Variants in NEK10 observed in about 807,000 individuals in gnomAD.
NEK10 encodes the protein serine/threonine-protein kinase Nek10.
Under a neutral mutation model 159.8 loss-of-function variants are expected in NEK10, and 122 were observed. The ratio of observed to expected loss-of-function variants is 0.76; its 90% CI spans 0.66 to 0.89. NEK10 has a LOEUF of 0.89. NEK10 is among the 40% of genes least tolerant of loss of function. The pLI is 0.00. For synonymous variants in NEK10, 466 were observed against 457.1 expected, an observed-to-expected ratio of 1.02 and a Z score of -0.25; for missense variants, 1,342 against 1,323.1, an observed-to-expected ratio of 1.01 and a Z score of -0.22.
chr3:27,215,587 G>A, intron 23 of NEK10: 1 of 471,838 alleles, frequency 2.1e-6, no homozygotes. Flanking sequence ...ATGAGAGAAA[G>A]GCAAAAGGTA....
chr3:27,235,117 A>G (rs1378542146), intron 23 of NEK10, among the ~76,000 whole-genome samples: 6 of 152,186 alleles, frequency 3.9e-5, no homozygotes, highest in African/African-American at 1.4e-4. Flanking sequence ...AATCAACTCA[A>G]GATGGATTAA....
chr3:27,348,700 C>G (rs909572117), intron 3 of NEK10, among the ~76,000 whole-genome samples: 10 of 152,094 alleles, frequency 6.6e-5, no homozygotes, highest in African/African-American at 2.4e-4. Context: ...GTGGCAATAC[C>G]ATGCTTACCT....
chr3:27,299,264 G>A (rs1450803214), intron 13 of NEK10, among the ~76,000 whole-genome samples: 1 of 152,192 alleles, frequency 6.6e-6, no homozygotes, highest in Non-Finnish European at 1.5e-5. Flanking sequence ...TGACTAAAAG[G>A]GGCCAAGGTA....
rs956528863 is a variant in NEK10, at chr3:27,107,638, C to T, written c.*3634G>A. 9.2e-5 allele frequency among the ~76,000 whole-genome samples: 14 copies of T among 152,228 alleles called. No homozygotes were observed. The highest frequency in any genetic ancestry group is 3.1e-4 in the African/African-American group (13 of 41,542). ...AAAATTTCACCCAAGGAGTCAATGTCAATATTCGGAAGCATTAAGCTTCCC... is the reference window on the plus strand; with the variant it reads ...AAAATTTCACCCAAGGAGTCAATGTTAATATTCGGAAGCATTAAGCTTCCC... On this transcript the variant is annotated 3_prime_UTR_variant, in exon 36 of 36. Transcript: ENST00000691995.
chr3:27,248,774 A>C (rs558111472), intron 23 of NEK10, among the ~76,000 whole-genome samples: 2 of 152,152 alleles, frequency 1.3e-5, no homozygotes, highest in Non-Finnish European at 2.9e-5. Context: ...TTGTGACCTA[A>C]CATATGGTTT....
intron 26 of NEK10, among the ~76,000 whole-genome samples, chr3:27,178,317 C>A (rs1172264126): frequency 6.6e-6 from 1 of 151,962 alleles, no homozygotes; most frequent in African/African-American, 2.4e-5. Flanking sequence ...AAAATCAGTG[C>A]AATTTTTAAA....
intron 5 of NEK10, among the ~76,000 whole-genome samples, chr3:27,333,274 G>A (rs1440817331): frequency 2.0e-5 from 3 of 152,056 alleles, no homozygotes; most frequent in Admixed American, 6.5e-5. Flanking sequence ...GGCCAGGTGC[G>A]GTGGCTCACA....
chr3:27,261,741 G>T (rs1045178778), intron 22 of NEK10, among the ~76,000 whole-genome samples: 6 of 152,180 alleles, frequency 3.9e-5, no homozygotes, highest in African/African-American at 1.4e-4. Context: ...TATTAGGTCT[G>T]CTTGGTGCAG....
intron 26 of NEK10, among the ~76,000 whole-genome samples, chr3:27,175,367 ACT>A (rs1406912507): frequency 6.6e-6 from 1 of 152,122 alleles, no homozygotes; most frequent in Non-Finnish European, 1.5e-5. Context: ...TGGCTTGAAC[ACT>A]CTCTGCAGAA....
chr3:27,320,915 T>A (rs2045577440), intron 6 of NEK10, among the ~76,000 whole-genome samples: 1 of 152,178 alleles, frequency 6.6e-6, no homozygotes, highest in African/African-American at 2.4e-5. Context: ...ACTTCTGAAA[T>A]ACGAGGGAAG....
intron 30 of NEK10, among the ~76,000 whole-genome samples, chr3:27,142,103 A>T (rs1013138656): frequency 6.6e-6 from 1 of 152,196 alleles, no homozygotes; most frequent in African/African-American, 2.4e-5. Context: ...ATTATTACAA[A>T]TTATAATTTT....
intron 23 of NEK10, among the ~76,000 whole-genome samples, chr3:27,205,064 T>C (rs1950412918): frequency 6.6e-6 from 1 of 151,958 alleles, no homozygotes; most frequent in Non-Finnish European, 1.5e-5. Context: ...TGGCTAGTGA[T>C]GATGAGCATT....
Position 27,256,283 on chromosome 3 carries a change from G to T in NEK10, c.2090+13C>A. The stretch of plus-strand genomic sequence containing the variant: ...AGTATGATGTTTGAGAGCCATAAAA[G>T]AATTGTCCTTACCAAGAATACAGGA... On this transcript the variant is annotated intron_variant, in intron 23 of 35. Transcript: ENST00000691995. 1.5e-6 allele frequency: 2 copies of T among 1,359,852 alleles called. No homozygotes were observed. Among genetic ancestry groups the T allele is most frequent in the East Asian group, 2.5e-5 (1 of 39,250 alleles). 84.2% of individuals were successfully genotyped at this position (1,359,852 alleles called of 1,614,324 possible).
intron 23 of NEK10, among the ~76,000 whole-genome samples, chr3:27,237,565 T>C (rs1225508395): frequency 6.7e-6 from 1 of 149,866 alleles, no homozygotes; most frequent in African/African-American, 2.5e-5. Context: ...TCCCACAACA[T>C]CATATGTTCT....
intron 13 of NEK10, among the ~76,000 whole-genome samples, chr3:27,299,583 G>T (rs929318827): frequency 6.6e-6 from 1 of 152,192 alleles, no homozygotes; most frequent in African/African-American, 2.4e-5. Context: ...TAGAATGGCA[G>T]ATCCACTGAC....
chr3:27,266,339 G>C (rs2040890749), intron 22 of NEK10, among the ~76,000 whole-genome samples: 1 of 152,064 alleles, frequency 6.6e-6, no homozygotes, highest in East Asian at 1.9e-4. Context: ...TATGATCCAA[G>C]CTGAGCTAAT....
chr3:27,253,015 A>AT (rs1273914244), intron 23 of NEK10: 12 of 402,230 alleles, frequency 3.0e-5, no homozygotes, highest in South Asian at 1.1e-4. Flanking sequence ...TCAAAAAAAT[A>AT]ATTTTTTTAA....
intron 25 of NEK10, among the ~76,000 whole-genome samples, chr3:27,200,935 G>A (rs1236602298): frequency 6.6e-6 from 1 of 152,122 alleles, no homozygotes; most frequent in African/African-American, 2.4e-5. Context: ...AAAACAGAAG[G>A]GGAAGTGGGA....
At chr3:27,210,641 C>G (rs535550553) in intron 23 of NEK10, among the ~76,000 whole-genome samples, 3 of 152,238 alleles carry the variant, frequency 2.0e-5, no homozygotes, top group Non-Finnish European at 4.4e-5. Context: ...CTTCAGTCAT[C>G]TGGCCTTTCC....
Sources: allele counts gnomAD v4.1 joint callset (sites outside exome capture counted in the v4.1 genomes callset), GRCh38; gene constraint gnomAD v4.1.1; transcripts MANE v1.5; gene names NCBI Gene and HGNC (gene_info 2026-07-23, HGNC 2026-07-21).